The following SMAD9 variants were observed in gnomAD, a reference collection of about 807,000 sequenced individuals.
SMAD9 encodes the protein MAD homolog 9.
SMAD9 carries 36 observed loss-of-function variants against 46.1 expected under a neutral mutation model. The ratio of observed to expected loss-of-function variants is 0.78; its 90% CI spans 0.60 to 1.03. The LOEUF (loss-of-function observed/expected upper bound fraction) is 1.03. Ranked by LOEUF, SMAD9 falls within the 50% of genes least tolerant of loss-of-function variation. The pLI, the probability that SMAD9 is intolerant of heterozygous loss-of-function variation, is 0.00. For missense variants in SMAD9, 572 were observed against 599.8 expected, an observed-to-expected ratio of 0.95 and a Z score of 0.48; for synonymous variants, 245 against 237.1, an observed-to-expected ratio of 1.03 and a Z score of -0.31.
chr13:36,918,304 A>T (rs1027323400), intron 1 of SMAD9, among the ~76,000 whole-genome samples: 1 of 152,188 alleles, frequency 6.6e-6, no homozygotes, highest in Non-Finnish European at 1.5e-5. Flanking sequence ...TGCACTGATA[A>T]ACATGAGTTT....
At chr13:36,880,857 G>GT (rs538485989) in intron 1 of SMAD9, among the ~76,000 whole-genome samples, 1 of 151,818 alleles carries the variant, frequency 6.6e-6, no homozygotes, top group African/African-American at 2.4e-5. Context: ...TGTTAATACA[G>GT]TTTTTTTAAT....
intron 3 of SMAD9, among the ~76,000 whole-genome samples, chr13:36,869,185 A>G (rs1004870834): frequency 1.3e-4 from 20 of 151,886 alleles, no homozygotes; most frequent in African/African-American, 4.8e-4. Flanking sequence ...TTGAAAATAG[A>G]TATGGTGATG....
chr13:36,917,399 A>ATT (rs58671007), intron 1 of SMAD9, among the ~76,000 whole-genome samples: 12,586 of 147,980 alleles, frequency 0.085, 857 homozygotes, highest in African/African-American at 0.18. Flanking sequence ...TACTGTTTGC[A>ATT]TTTTTTTTTT....
chr13:36,905,100 G>T (rs1241978852), intron 1 of SMAD9, among the ~76,000 whole-genome samples: 1 of 152,184 alleles, frequency 6.6e-6, no homozygotes, highest in Non-Finnish European at 1.5e-5. Context: ...TTTGGTTGTT[G>T]TAACTGGGGG....
In SMAD9 at chr13:36,846,841, TTAAA is replaced by T. The variant is rs1203173289; in HGVS notation, c.*1831_*1834del. The stretch of plus-strand genomic sequence containing the variant: ...ATAGATTACATTATTTTGTTTTGTT[TTAAA>T]AGTTCTGAAACATGAAGATGTCTGT... On this transcript the variant is annotated 3_prime_UTR_variant, in exon 7 of 7. Coordinates refer to ENST00000379826, the MANE Select transcript of SMAD9 (RefSeq NM_001127217.3). 15 of 152,336 alleles carry T rather than the reference TTAAA, an allele frequency of 9.8e-5. No homozygotes were observed. The highest frequency in any genetic ancestry group is 3.6e-4 in the African/African-American group (15 of 41,576). 9.4% of individuals were successfully genotyped at this position (152,336 alleles called of 1,614,324 possible). A position where few individuals can be genotyped will look rare whatever the true frequency, so the allele number is the denominator to read the frequency against.
intron 1 of SMAD9, among the ~76,000 whole-genome samples, chr13:36,881,974 C>T (rs547779423): frequency 2.6e-5 from 4 of 152,176 alleles, no homozygotes; most frequent in Non-Finnish European, 5.9e-5. Flanking sequence ...TAAAAACACT[C>T]AGCGAGTTAA....
intron 6 of SMAD9, chr13:36,850,070 T>A (rs1368244053): frequency 1.3e-5 from 2 of 152,230 alleles, no homozygotes; most frequent in African/African-American, 2.4e-5. Context: ...CTTAAATCCA[T>A]TCTGATCATC....
rs2058308677 is a variant in SMAD9, at chr13:36,872,807, TTG to T, written c.519_520del (p.His173GlnfsTer6). 1 of 1,613,762 alleles carries T rather than the reference TTG, an allele frequency of 6.2e-7. No individual in the cohort carries two copies. Among genetic ancestry groups the T allele is most frequent in the South Asian group, 1.1e-5 (1 of 91,066 alleles). ...CTGGAAAGAGTCAGGATAGGTGGCG[TTG>T]TGTGGCATGAGTGGCTCACTGTGCA... On this transcript the variant is annotated frameshift_variant, in exon 3 of 7. Coordinates refer to ENST00000379826, the MANE Select transcript of SMAD9 (RefSeq NM_001127217.3). LOFTEE classifies it high-confidence loss of function.
chr13:36,919,102 A>AT (rs2058720600), intron 1 of SMAD9, among the ~76,000 whole-genome samples: 1 of 152,224 alleles, frequency 6.6e-6, no homozygotes, highest in Admixed American at 6.5e-5. Flanking sequence ...TTTTATCTCC[A>AT]AACTCGATTT....
intron 2 of SMAD9, among the ~76,000 whole-genome samples, chr13:36,877,331 C>T (rs1005801440): frequency 2.6e-5 from 4 of 152,080 alleles, no homozygotes; most frequent in Admixed American, 6.6e-5. Context: ...CACTGCACAC[C>T]GGCCTGCCAA....
Position 36,846,277 on chromosome 13 carries a change from T to TA in SMAD9, c.*2398dup, listed in dbSNP as rs1463612440. Reference sequence around the variant, plus strand: ...GCGGGCGGATCACAAGGTCAAGAGATAGAGACCATTCTGGCTACCATGGTG... The same window carrying TA: ...GCGGGCGGATCACAAGGTCAAGAGATAAGAGACCATTCTGGCTACCATGGTG... On this transcript the variant is annotated 3_prime_UTR_variant, in exon 7 of 7. Coordinates refer to ENST00000379826, the MANE Select transcript of SMAD9 (RefSeq NM_001127217.3). The TA allele has an allele frequency of 6.6e-6, 1 of 151,614 alleles. No individual in the cohort carries two copies. Among genetic ancestry groups the TA allele is most frequent in the African/African-American group, 2.4e-5 (1 of 41,282 alleles). The allele number at this position is 151,614 out of a possible 1,614,324, so 9.4% of individuals were successfully genotyped here. A position where few individuals can be genotyped will look rare whatever the true frequency, so the allele number is the denominator to read the frequency against.
rs139256266 is a variant in SMAD9, at chr13:36,852,166, T to C, written c.1260+1253A>G. 759 of 890,056 alleles carry C rather than the reference T, an allele frequency of 8.5e-4. 5 individuals carry two copies. The African/African-American group carries it at 0.013, about 15-fold the overall frequency. 55.1% of individuals were successfully genotyped at this position (890,056 alleles called of 1,614,324 possible). A position where few individuals can be genotyped will look rare whatever the true frequency, so the allele number is the denominator to read the frequency against. On this transcript the variant is annotated intron_variant, in intron 6 of 6. Transcript: ENST00000379826. ...AGCTGTTTTTTAAAATTGGAAACTATATTGTTCTTACTTTTTAAATAATTA... is the reference window on the plus strand; with the variant it reads ...AGCTGTTTTTTAAAATTGGAAACTACATTGTTCTTACTTTTTAAATAATTA...
chr13:36,877,791 C>T lies in SMAD9; in HGVS notation c.412+1487G>A, dbSNP rs1486120830. 3.9e-5 allele frequency among the ~76,000 whole-genome samples: 6 copies of T among 152,264 alleles called. No homozygotes were observed. The East Asian group carries it at 9.6e-4, about 24-fold the overall frequency. On this transcript the variant is annotated intron_variant, in intron 2 of 6. Coordinates refer to ENST00000379826, the MANE Select transcript of SMAD9 (RefSeq NM_001127217.3). ...GAATGGGCTGTGGGAGGCATCCACACACAGGTAGATGTTAAGTTCTGGGAG... is the reference window on the plus strand; with the variant it reads ...GAATGGGCTGTGGGAGGCATCCACATACAGGTAGATGTTAAGTTCTGGGAG...
chr13:36,909,707 C>T (rs984467119), intron 1 of SMAD9, among the ~76,000 whole-genome samples: 1 of 152,180 alleles, frequency 6.6e-6, no homozygotes, highest in Non-Finnish European at 1.5e-5. Flanking sequence ...AGTAATTAGT[C>T]ACTTCCATAT....
chr13:36,878,152 T>TAC, intron 2 of SMAD9, among the ~76,000 whole-genome samples: 1 of 151,190 alleles, frequency 6.6e-6, no homozygotes, highest in Non-Finnish European at 1.5e-5. Flanking sequence ...ACATATTTCT[T>TAC]ACACACATAT....
Position 36,872,642 on chromosome 13 carries a change from C to A in SMAD9, c.670+16G>T. 1 of 1,613,766 alleles carries A rather than the reference C, an allele frequency of 6.2e-7. No individual in the cohort carries two copies. The highest frequency in any genetic ancestry group is 8.5e-7 in the Non-Finnish European group (1 of 1,179,890). On this transcript the variant is annotated intron_variant, in intron 3 of 6. Transcript: ENST00000379826. ...TATTTTCCCGTATTTCCCCACAGAC[C>A]ATAGTTCTTACTGACCTGAGTGTTG...
chr13:36,862,324 C>T (rs1310800411), intron 5 of SMAD9, among the ~76,000 whole-genome samples: 2 of 152,150 alleles, frequency 1.3e-5, no homozygotes, highest in Admixed American at 6.5e-5. Flanking sequence ...GCTGGTAAAA[C>T]AGAGTGCCAT....
At position 36,879,806 on chromosome 13, in the gene SMAD9, G is replaced by T; in HGVS notation, c.-117C>A. The T allele has an allele frequency of 1.7e-6, 2 of 1,156,280 alleles. No individual in the cohort carries two copies. The highest frequency in any genetic ancestry group is 2.5e-6 in the Non-Finnish European group (2 of 793,450). 71.6% of individuals were successfully genotyped at this position (1,156,280 alleles called of 1,614,324 possible). A position where few individuals can be genotyped will look rare whatever the true frequency, so the allele number is the denominator to read the frequency against. ...GACCAACCCGCCCGTTCTTCTGGGA[G>T]CAGCTGGGACCAATTCAAGTTGCGA... On this transcript the variant is annotated 5_prime_UTR_variant, in exon 2 of 7. Coordinates refer to ENST00000379826, the MANE Select transcript of SMAD9 (RefSeq NM_001127217.3).
intron 1 of SMAD9, among the ~76,000 whole-genome samples, chr13:36,913,450 C>T (rs2058676354): frequency 6.6e-6 from 1 of 152,082 alleles, no homozygotes; most frequent in African/African-American, 2.4e-5. Context: ...TTACAAGTTC[C>T]ACCTTCTAAA....
Sources: gnomAD v4.1 joint callset for allele counts (sites outside exome capture counted in the v4.1 genomes callset) on GRCh38, gnomAD v4.1.1 for gene constraint, MANE v1.5 for transcripts, NCBI Gene and HGNC (gene_info 2026-07-23, HGNC 2026-07-21) for gene names.